The following CPAMD8 variants were observed in gnomAD, a reference collection of about 807,000 sequenced individuals.
CPAMD8 encodes C3 and PZP like alpha-2-macroglobulin domain containing 8, also known as C3 and PZP-like alpha-2-macroglobulin domain-containing protein 8.
CPAMD8 carries 146 observed loss-of-function variants against 224.7 expected under a neutral mutation model. That is an observed-to-expected ratio of 0.65 (90% CI 0.57 to 0.75). The LOEUF (loss-of-function observed/expected upper bound fraction) is 0.75, where lower values mean the gene tolerates loss of function less well. Ranked by LOEUF, CPAMD8 falls within the 30% of genes least tolerant of loss-of-function variation. CPAMD8 has a pLI of 0.00. For synonymous variants in CPAMD8, 966 were observed against 1,044.6 expected (o/e 0.92, Z 1.45); for missense variants, 2,301 against 2,537.5 (o/e 0.91, Z 2.00).
chr19:16,912,646 G>A (rs570351616), intron 29 of CPAMD8, among the ~76,000 whole-genome samples: 1 of 152,254 alleles, frequency 6.6e-6, no homozygotes, highest in Admixed American at 6.5e-5. Flanking sequence ...CTACTCGGGA[G>A]TCTGAAGCTG....
At chr19:16,940,254 G>C (rs899370825) in intron 22 of CPAMD8, among the ~76,000 whole-genome samples, 4 of 152,130 alleles carry the variant, frequency 2.6e-5, no homozygotes, top group Non-Finnish European at 5.9e-5. Flanking sequence ...TAAACTTCTC[G>C]GCTTCCATAA....
At chr19:17,024,899 G>A (rs945445349) in intron 1 of CPAMD8, among the ~76,000 whole-genome samples, 7 of 152,248 alleles carry the variant, frequency 4.6e-5, no homozygotes, top group African/African-American at 1.4e-4. Flanking sequence ...TCAGGTGACA[G>A]AAGTGGGCAT....
At chr19:16,908,925 A>G (rs953974244) in intron 29 of CPAMD8, among the ~76,000 whole-genome samples, 5 of 152,164 alleles carry the variant, frequency 3.3e-5, no homozygotes, top group Non-Finnish European at 5.9e-5. Context: ...CACGCGGGCC[A>G]GGACGGGTCT....
chr19:17,010,493 C>G (rs2056615901), intron 5 of CPAMD8, among the ~76,000 whole-genome samples: 1 of 152,092 alleles, frequency 6.6e-6, no homozygotes, highest in Non-Finnish European at 1.5e-5. Context: ...CCTGCCTCAG[C>G]CTCCCGAAGT....
intron 23 of CPAMD8, among the ~76,000 whole-genome samples, chr19:16,932,282 G>A (rs761933684): frequency 2.6e-5 from 4 of 151,996 alleles, no homozygotes; most frequent in East Asian, 1.9e-4. Flanking sequence ...TTAGCCAGGC[G>A]TGGTGGCATG....
At chr19:17,014,049 CTCTT>C (rs1429502576) in intron 3 of CPAMD8, among the ~76,000 whole-genome samples, 1 of 140,642 alleles carries the variant, frequency 7.1e-6, no homozygotes, top group Non-Finnish European at 1.5e-5. Context: ...CTTTCTCTTT[CTCTT>C]TCTTTCTTTT....
At chr19:16,911,767 G>T (rs1200983103) in intron 29 of CPAMD8, among the ~76,000 whole-genome samples, 2 of 151,926 alleles carry the variant, frequency 1.3e-5, no homozygotes, top group Non-Finnish European at 2.9e-5. Context: ...GGATGGTCTC[G>T]ATCTCCTGAC....
At chr19:17,011,379 G>A in intron 5 of CPAMD8, 85 bp downstream of exon 5, 1 of 1,420,356 alleles carries the variant, frequency 7.0e-7, no homozygotes, top group Non-Finnish European at 9.9e-7. Flanking sequence ...GTTCTGGAGA[G>A]AAAGACCCGT....
chr19:16,969,894 A>AAG (rs2054990997), intron 18 of CPAMD8, among the ~76,000 whole-genome samples: 1 of 150,340 alleles, frequency 6.7e-6, no homozygotes, highest in African/African-American at 2.5e-5. Flanking sequence ...AAAAAACAAA[A>AAG]ACAACGAAAA....
chr19:16,964,269 T>C (rs1056077977), intron 18 of CPAMD8, among the ~76,000 whole-genome samples: 3 of 151,876 alleles, frequency 2.0e-5, no homozygotes, highest in African/African-American at 4.8e-5. Flanking sequence ...TTTGAAAAGA[T>C]CAACAAAATT....
chr19:16,917,955 G>A (rs2053023482), intron 27 of CPAMD8, among the ~76,000 whole-genome samples: 1 of 152,108 alleles, frequency 6.6e-6, no homozygotes, highest in Admixed American at 6.6e-5. Flanking sequence ...CGAGTGTGTA[G>A]TAGTTGCATA....
intron 17 of CPAMD8, among the ~76,000 whole-genome samples, chr19:16,974,308 T>A (rs2055177266): frequency 6.6e-6 from 1 of 151,920 alleles, no homozygotes; most frequent in Non-Finnish European, 1.5e-5. Context: ...ATGGGTAAAC[T>A]GGAGCTGGGC....
intron 36 of CPAMD8, 63 bp downstream of exon 36, chr19:16,901,147 T>C (rs1356696139): frequency 8.8e-7 from 1 of 1,130,810 alleles, no homozygotes; most frequent in African/African-American, 1.6e-5. Flanking sequence ...TGACCCTGGG[T>C]GCCTAAGCCC....
chr19:16,927,994 G>A lies in CPAMD8; in HGVS notation c.3370+15C>T. On this transcript the variant is annotated intron_variant, in intron 25 of 41. Transcript: ENST00000443236. ...CCCCCTGACCTCTCCAAGCCAGGCTGTGGGACAGACGCACCGATGATGGAG... is the reference window on the plus strand; with the variant it reads ...CCCCCTGACCTCTCCAAGCCAGGCTATGGGACAGACGCACCGATGATGGAG... 1 of 1,589,100 alleles carries A rather than the reference G, an allele frequency of 6.3e-7. No homozygotes were observed. Among genetic ancestry groups the A allele is most frequent in the Non-Finnish European group, 8.6e-7 (1 of 1,157,364 alleles).
At chr19:16,978,005 C>T (rs2055343606) in intron 14 of CPAMD8, among the ~76,000 whole-genome samples, 1 of 152,094 alleles carries the variant, frequency 6.6e-6, no homozygotes, top group African/African-American at 2.4e-5. Context: ...GTTCATACTG[C>T]CTTCCCTGTG....
At chr19:16,941,336 G>C (rs1191523237) in intron 22 of CPAMD8, among the ~76,000 whole-genome samples, 2 of 151,424 alleles carry the variant, frequency 1.3e-5, no homozygotes, top group African/African-American at 4.9e-5. Context: ...CCATCCAGTG[G>C]AATATGATTG....
intron 1 of CPAMD8, among the ~76,000 whole-genome samples, chr19:17,023,899 C>G (rs1191543785): frequency 6.6e-6 from 1 of 152,098 alleles, no homozygotes; most frequent in Non-Finnish European, 1.5e-5. Flanking sequence ...CTAGAACAAC[C>G]CAACATCCAC....
chr19:17,008,432 G>C, intron 7 of CPAMD8, 73 bp downstream of exon 7: 5 of 1,564,226 alleles, frequency 3.2e-6, no homozygotes, highest in Non-Finnish European at 3.5e-6. Context: ...GTGGGCCCTG[G>C]ACAGAGCATA....
intron 3 of CPAMD8, among the ~76,000 whole-genome samples, chr19:17,019,038 G>A (rs2056886085): frequency 1.3e-5 from 2 of 152,138 alleles, no homozygotes; most frequent in African/African-American, 4.8e-5. Flanking sequence ...CAATTACAGA[G>A]ACTTGGAAAC....
Sources: gnomAD v4.1 joint callset for allele counts (sites outside exome capture counted in the v4.1 genomes callset) on GRCh38, gnomAD v4.1.1 for gene constraint, MANE v1.5 for transcripts, NCBI Gene and HGNC (gene_info 2026-07-23, HGNC 2026-07-21) for gene names.